The following AGPAT4 variants were observed in gnomAD, a reference collection of about 807,000 sequenced individuals.
AGPAT4 encodes 1-acylglycerol-3-phosphate O-acyltransferase 4.
Under a neutral mutation model 48.0 loss-of-function variants are expected in AGPAT4, and 15 were observed. The observed-to-expected ratio is 0.31, with a 90% CI of 0.21 to 0.48. AGPAT4 has a LOEUF of 0.48. Among genes scored for constraint, AGPAT4 ranks in the 20% least tolerant of loss-of-function variants. AGPAT4 has a pLI of 0.99. For synonymous variants in AGPAT4, 178 were observed against 198.7 expected (o/e 0.90, Z 0.88); for missense variants, 314 against 482.5 (o/e 0.65, Z 3.27).
At position 161,221,031 on chromosome 6, in the gene AGPAT4, G is replaced by A. The variant is rs890934246; in HGVS notation, c.178+11005C>T. ...ACTCCTGACCTCAGGTGATCTACCC[G>A]CCTCAGCCTCCCAAAGTGCTGGATT... On this transcript the variant is annotated intron_variant, in intron 2 of 8. Coordinates refer to ENST00000320285, the MANE Select transcript of AGPAT4 (RefSeq NM_020133.3). The surrounding 1 kb of genome is among the most constrained non-coding windows in gnomAD (Gnocchi z 4.5). Among the ~76,000 whole-genome samples, 3 of 152,028 alleles carry A rather than the reference G, an allele frequency of 2.0e-5. No individual in the cohort carries two copies. Among genetic ancestry groups the A allele is most frequent in the Non-Finnish European group, 4.4e-5 (3 of 68,004 alleles).
intron 5 of AGPAT4, 53 bp downstream of exon 5, chr6:161,153,293 G>A (rs1031349992): frequency 1.9e-6 from 3 of 1,560,096 alleles, no homozygotes; most frequent in South Asian, 2.3e-5. Context: ...CGGAGCTGGG[G>A]CTTGTCTTCC....
chr6:161,237,246 A>G (rs1429803874), intron 1 of AGPAT4, among the ~76,000 whole-genome samples: 3 of 152,226 alleles, frequency 2.0e-5, no homozygotes, highest in African/African-American at 7.2e-5. Flanking sequence ...GGCCACTGGT[A>G]GATTAGTAGA....
rs375339072 is a variant in AGPAT4, at chr6:161,178,090, C to T, written c.179-11673G>A. Among the ~76,000 whole-genome samples the T allele has an allele frequency of 6.6e-6, 1 of 152,204 alleles. No individual in the cohort carries two copies. The highest frequency in any genetic ancestry group is 1.5e-5 in the Non-Finnish European group (1 of 68,036). On this transcript the variant is annotated intron_variant, in intron 2 of 8. Coordinates refer to ENST00000320285, the MANE Select transcript of AGPAT4 (RefSeq NM_020133.3). This position sits in a 1 kb window ranked among gnomAD's most constrained non-coding sequence, Gnocchi z 5.1. ...GGAGGTGTCTCCCAGTTAGGCTACT[C>T]GGGGGTCAGGGACCCACTTGAGGAG...
Position 161,212,738 on chromosome 6 carries a change from T to C in AGPAT4, c.178+19298A>G, listed in dbSNP as rs865958259. 2.0e-5 allele frequency among the ~76,000 whole-genome samples: 3 copies of C among 152,232 alleles called. No homozygotes were observed. Among genetic ancestry groups the C allele is most frequent in the African/African-American group, 7.2e-5 (3 of 41,460 alleles). On this transcript the variant is annotated intron_variant, in intron 2 of 8. Coordinates refer to ENST00000320285, the MANE Select transcript of AGPAT4 (RefSeq NM_020133.3). This position sits in a 1 kb window ranked among gnomAD's most constrained non-coding sequence, Gnocchi z 6.1. Reference sequence around the variant, plus strand: ...TCACTATGGCTACCCTAATACATTTTGTCATCCATGGACAATTGTCTTGTT... The same window carrying C: ...TCACTATGGCTACCCTAATACATTTCGTCATCCATGGACAATTGTCTTGTT...
chr6:161,131,071 T>A lies in AGPAT4; in HGVS notation c.*5469A>T, dbSNP rs111683806. 1 of 293,320 alleles carries A rather than the reference T, an allele frequency of 3.4e-6. No homozygotes were observed. Among genetic ancestry groups the A allele is most frequent in the Non-Finnish European group, 7.1e-6 (1 of 140,726 alleles). The allele number at this position is 293,320 out of a possible 1,614,324, so 18.2% of individuals were successfully genotyped here. Reference sequence around the variant, plus strand: ...TTGTGTACATACCACTCACCTCCCTTAAAATTCAGCAGAACCAGAGGTGCC... The same window carrying A: ...TTGTGTACATACCACTCACCTCCCTAAAAATTCAGCAGAACCAGAGGTGCC... On this transcript the variant is annotated 3_prime_UTR_variant, in exon 9 of 9. Transcript: ENST00000320285.
intron 1 of AGPAT4, among the ~76,000 whole-genome samples, chr6:161,241,889 C>T (rs568310921): frequency 2.6e-5 from 4 of 152,248 alleles, no homozygotes; most frequent in East Asian, 1.9e-4. Flanking sequence ...TGCACTATCA[C>T]GCTCGAATAA....
rs533368309 is a variant in AGPAT4 at position 161,254,126 on chromosome 6, C to T, written c.-90+19812G>A. The stretch of plus-strand genomic sequence containing the variant: ...TCTCTGTATTTTCTAATTATTCTAT[C>T]AAAAGTATTAACCACTTGGTCAATA... On this transcript the variant is annotated intron_variant, in intron 1 of 8. Transcript: ENST00000320285. The surrounding 1 kb of genome is among the most constrained non-coding windows in gnomAD (Gnocchi z 5.9). 2.6e-5 allele frequency among the ~76,000 whole-genome samples: 4 copies of T among 152,250 alleles called. No individual in the cohort carries two copies. The East Asian group carries it at 5.8e-4, about 22-fold the overall frequency.
Position 161,202,161 on chromosome 6 carries a change from A to G in AGPAT4, c.178+29875T>C, listed in dbSNP as rs1781254891. On this transcript the variant is annotated intron_variant, in intron 2 of 8. Transcript: ENST00000320285. This position sits in a 1 kb window ranked among gnomAD's most constrained non-coding sequence, Gnocchi z 5.4. ...TATGATGGCCCAAAATAACAAAAACACTTATTATCTCCGACAGTTTCTGAA... is the reference window on the plus strand; with the variant it reads ...TATGATGGCCCAAAATAACAAAAACGCTTATTATCTCCGACAGTTTCTGAA... 6.6e-6 allele frequency among the ~76,000 whole-genome samples: 1 copy of G among 152,086 alleles called. No homozygotes were observed. Among genetic ancestry groups the G allele is most frequent in the African/African-American group, 2.4e-5 (1 of 41,408 alleles).
chr6:161,247,023 C>T (rs1782669316), intron 1 of AGPAT4, among the ~76,000 whole-genome samples: 1 of 152,228 alleles, frequency 6.6e-6, no homozygotes, highest in South Asian at 2.1e-4. Flanking sequence ...GCTCTCCATA[C>T]CTTTACATGC....
In AGPAT4 at chr6:161,142,541, C is replaced by T. The variant is rs1002692533; in HGVS notation, c.844-2921G>A. ...TATTGAGAGGCGGCAGATCCCCGGA[C>T]GAACGCCCCCTGCAGCCCGCAACAA... On this transcript the variant is annotated intron_variant, in intron 7 of 8. Coordinates refer to ENST00000320285, the MANE Select transcript of AGPAT4 (RefSeq NM_020133.3). This position sits in a 1 kb window ranked among gnomAD's most constrained non-coding sequence, Gnocchi z 6.4. 1.3e-5 allele frequency among the ~76,000 whole-genome samples: 2 copies of T among 152,136 alleles called. No homozygotes were observed. Among genetic ancestry groups the T allele is most frequent in the Non-Finnish European group, 2.9e-5 (2 of 68,028 alleles).
At position 161,146,276 on chromosome 6, in the gene AGPAT4, G is replaced by T. The variant is rs530585147; in HGVS notation, c.843+248C>A. Among the ~76,000 whole-genome samples the T allele has an allele frequency of 6.6e-6, 1 of 151,410 alleles. No individual in the cohort carries two copies. Among genetic ancestry groups the T allele is most frequent in the South Asian group, 2.1e-4 (1 of 4,820 alleles). ...GAGGCAGGAAAATACGAGCAGGGGC[G>T]ATTGGGGCCATTACTTCTCCCTTGG... On this transcript the variant is annotated intron_variant, in intron 7 of 8. Coordinates refer to ENST00000320285, the MANE Select transcript of AGPAT4 (RefSeq NM_020133.3). The surrounding 1 kb of genome is among the most constrained non-coding windows in gnomAD (Gnocchi z 7.1).
chr6:161,166,704 A>C lies in AGPAT4; in HGVS notation c.179-287T>G, dbSNP rs1324555381. ...GGGGGAAAATAAATCAGAAAGCCAG[A>C]ATCCGTCAAGAATTCATGCCCTTGT... is the stretch of plus-strand genomic sequence containing the variant. On this transcript the variant is annotated intron_variant, in intron 2 of 8. Coordinates refer to ENST00000320285, the MANE Select transcript of AGPAT4 (RefSeq NM_020133.3). The surrounding 1 kb of genome is among the most constrained non-coding windows in gnomAD (Gnocchi z 6.7). 6.6e-6 allele frequency among the ~76,000 whole-genome samples: 1 copy of C among 152,234 alleles called. No homozygotes were observed. The highest frequency in any genetic ancestry group is 1.5e-5 in the Non-Finnish European group (1 of 68,050).
chr6:161,219,867 A>ATAGG lies in AGPAT4; in HGVS notation c.178+12168_178+12169insCCTA, dbSNP rs1781766083. 1.8e-5 allele frequency among the ~76,000 whole-genome samples: 2 copies of ATAGG among 111,206 alleles called. No homozygotes were observed. Among genetic ancestry groups the ATAGG allele is most frequent in the South Asian group, 6.0e-4 (2 of 3,350 alleles). The allele number at this position is 111,206 out of a possible 152,430, so 73.0% of individuals were successfully genotyped here. A position where few individuals can be genotyped will look rare whatever the true frequency, so the allele number is the denominator to read the frequency against. ...GATAGATAGATAGATAGATAGATAG[A>ATAGG]TAGATAGGCAGGCAGGCAGGCAGGC... On this transcript the variant is annotated intron_variant, in intron 2 of 8. Coordinates refer to ENST00000320285, the MANE Select transcript of AGPAT4 (RefSeq NM_020133.3). The surrounding 1 kb of genome is among the most constrained non-coding windows in gnomAD (Gnocchi z 4.9).
At chr6:161,193,911 T>C (rs922339421) in intron 2 of AGPAT4, among the ~76,000 whole-genome samples, 5 of 152,244 alleles carry the variant, frequency 3.3e-5, no homozygotes, top group African/African-American at 9.6e-5. Context: ...CAAAATAACC[T>C]AAGCTGCCAT....
intron 2 of AGPAT4, among the ~76,000 whole-genome samples, chr6:161,173,744 G>A (rs1206700776): frequency 1.3e-5 from 2 of 152,204 alleles, no homozygotes; most frequent in Non-Finnish European, 2.9e-5. Context: ...GAATGGTATT[G>A]CCTAGGTTTT....
chr6:161,149,872 C>T lies in AGPAT4; in HGVS notation c.665-583G>A, dbSNP rs913125549. ...CACTTTTAAAGCAATACTGCAAAGT[C>T]AGGTCTAGAGGTACTACGACGATGA... On this transcript the variant is annotated intron_variant, in intron 5 of 8. Transcript: ENST00000320285. This position sits in a 1 kb window ranked among gnomAD's most constrained non-coding sequence, Gnocchi z 6.5. Among the ~76,000 whole-genome samples, 2 of 152,148 alleles carry T rather than the reference C, an allele frequency of 1.3e-5. No homozygotes were observed. The highest frequency in any genetic ancestry group is 2.9e-5 in the Non-Finnish European group (2 of 68,036).
intron 1 of AGPAT4, among the ~76,000 whole-genome samples, chr6:161,247,688 T>C (rs1782692741): frequency 6.6e-6 from 1 of 151,962 alleles, no homozygotes; most frequent in South Asian, 2.1e-4. Flanking sequence ...TTCAACATAG[T>C]ATTAGAAGTC....
In AGPAT4 at chr6:161,155,591, G is replaced by C. The variant is rs368604386; in HGVS notation, c.349-1281C>G. The stretch of plus-strand genomic sequence containing the variant: ...ACAAGAAACTTCTTCCCTCACATGG[G>C]ATAGAAAAGGCAGATACCTTCTAGG... On this transcript the variant is annotated intron_variant, in intron 3 of 8. Coordinates refer to ENST00000320285, the MANE Select transcript of AGPAT4 (RefSeq NM_020133.3). This position sits in a 1 kb window ranked among gnomAD's most constrained non-coding sequence, Gnocchi z 5.8. Among the ~76,000 whole-genome samples, 11 of 152,190 alleles carry C rather than the reference G, an allele frequency of 7.2e-5. No individual in the cohort carries two copies. In the East Asian group the frequency reaches 9.6e-4, roughly 13 times the overall value.
At position 161,154,695 on chromosome 6, in the gene AGPAT4, A is replaced by G. The variant is rs537599342; in HGVS notation, c.349-385T>C. Among the ~76,000 whole-genome samples the G allele has an allele frequency of 2.6e-5, 4 of 152,300 alleles. No homozygotes were observed. Among genetic ancestry groups the G allele is most frequent in the South Asian group, 4.1e-4 (2 of 4,826 alleles). On this transcript the variant is annotated intron_variant, in intron 3 of 8. Coordinates refer to ENST00000320285, the MANE Select transcript of AGPAT4 (RefSeq NM_020133.3). This position sits in a 1 kb window ranked among gnomAD's most constrained non-coding sequence, Gnocchi z 7.8. ...GCCCACCGTGCAGCTGTGTGACACT[A>G]ATTTGTGCACCTCTTTTCTGCAGAT...
Sources: allele counts gnomAD v4.1 joint callset (sites outside exome capture counted in the v4.1 genomes callset), GRCh38; gene constraint gnomAD v4.1.1; non-coding constraint Gnocchi (gnomAD v3.1); transcripts MANE v1.5; gene names NCBI Gene and HGNC (gene_info 2026-07-23, HGNC 2026-07-21).